Variants in RBFOX1 observed in about 807,000 individuals in gnomAD.
RBFOX1 encodes the protein RNA binding protein fox-1 homolog 1.
RBFOX1 carries 8 observed loss-of-function variants against 57.7 expected under a neutral mutation model. The observed-to-expected ratio is 0.14, with a 90% CI of 0.08 to 0.25. RBFOX1 has a LOEUF of 0.25. Ranked by LOEUF, RBFOX1 falls within the 10% of genes least tolerant of loss-of-function variation. RBFOX1 has a pLI of 1.00. For missense variants in RBFOX1, 611 were observed against 548.5 expected (o/e 1.11, Z -1.14); for synonymous variants, 326 against 222.4 (o/e 1.47, Z -4.15).
intron 1 of RBFOX1, among the ~76,000 whole-genome samples, chr16:5,244,705 T>C (rs2062252026): frequency 6.6e-6 from 1 of 152,232 alleles, no homozygotes; most frequent in South Asian, 2.1e-4. Flanking sequence ...TCCTGAGGAA[T>C]GCAGTGCGTA....
chr16:5,872,462 G>A (rs191240687), intron 4 of RBFOX1, among the ~76,000 whole-genome samples: 6 of 152,352 alleles, frequency 3.9e-5, no homozygotes, highest in African/African-American at 1.4e-4. Context: ...TGGGCATGGT[G>A]GCTCACACCT....
intron 4 of RBFOX1, among the ~76,000 whole-genome samples, chr16:5,935,902 A>G (rs1349177054): frequency 6.6e-6 from 1 of 152,092 alleles, no homozygotes; most frequent in African/African-American, 2.4e-5. Context: ...TATAATGGCT[A>G]CAGAAGTACA....
intron 1 of RBFOX1, among the ~76,000 whole-genome samples, chr16:5,386,065 A>G (rs1474813022): frequency 2.0e-5 from 3 of 151,844 alleles, no homozygotes; most frequent in African/African-American, 7.3e-5. Context: ...GCCAAGATGG[A>G]ATAATTTATA....
At position 7,507,818 on chromosome 16, in the gene RBFOX1, C is replaced by T. The variant is rs558987785; in HGVS notation, c.28-10329C>T. On this transcript the variant is annotated intron_variant, in intron 4 of 15. Transcript: ENST00000550418. ...GACGTCGTGATCCGCCCGCCTCGGT[C>T]TTCCAAAGTGCTGGGATTACAGGCA... Among the ~76,000 whole-genome samples the T allele has an allele frequency of 4.6e-5, 7 of 152,224 alleles. No individual in the cohort carries two copies. The East Asian group carries it at 1.4e-3, about 30-fold the overall frequency.
Position 6,992,085 on chromosome 16 carries a change from C to T in RBFOX1, c.-15-59972C>T, listed in dbSNP as rs527800936. On this transcript the variant is annotated intron_variant, in intron 3 of 15. Coordinates refer to ENST00000550418, the MANE Select transcript of RBFOX1 (RefSeq NM_018723.4). ...TGGCCTGTCTTTGCCAGAGTTTCAC[C>T]CATTCCTTAGGGAGAACGGGTGTAG... is the stretch of plus-strand genomic sequence containing the variant. Among the ~76,000 whole-genome samples the T allele has an allele frequency of 1.3e-4, 20 of 152,260 alleles. No homozygotes were observed. The South Asian group carries it at 2.9e-3, about 22-fold the overall frequency.
At chr16:6,430,929 G>A (rs190129506) in intron 2 of RBFOX1, among the ~76,000 whole-genome samples, 79 of 146,058 alleles carry the variant, frequency 5.4e-4, no homozygotes, top group East Asian at 5.0e-3. Context: ...CCAGGAGTTC[G>A]AGACCGGCAT....
intron 4 of RBFOX1, among the ~76,000 whole-genome samples, chr16:7,393,768 C>G (rs1308897900): frequency 6.6e-6 from 1 of 152,196 alleles, no homozygotes; most frequent in African/African-American, 2.4e-5. Flanking sequence ...TGGTAGCCGC[C>G]TTACCCCTTA....
At chr16:6,861,481 A>ACCCCCCCCC (rs1412844949) in intron 3 of RBFOX1, among the ~76,000 whole-genome samples, 1 of 108,670 alleles carries the variant, frequency 9.2e-6, no homozygotes, top group Non-Finnish European at 2.1e-5. Flanking sequence ...TCCCCTCCCA[A>ACCCCCCCCC]CCCCCTCCCC....
intron 3 of RBFOX1, chr16:6,774,051 T>A (rs938762883): frequency 4.4e-5 from 42 of 951,204 alleles, no homozygotes; most frequent in Non-Finnish European, 1.1e-5. Context: ...TAAATGCTCA[T>A]TGGCTTTCTG....
intron 3 of RBFOX1, among the ~76,000 whole-genome samples, chr16:6,724,534 G>C (rs1220734252): frequency 6.6e-6 from 1 of 151,972 alleles, no homozygotes; most frequent in African/African-American, 2.4e-5. Context: ...GAGGAAGCAG[G>C]CCCTCACCAG....
At chr16:7,320,171 C>T (rs765952647) in intron 4 of RBFOX1, among the ~76,000 whole-genome samples, 1 of 152,042 alleles carries the variant, frequency 6.6e-6, no homozygotes, top group Non-Finnish European at 1.5e-5. Flanking sequence ...ACCCATCAAC[C>T]CATCAGCTAG....
chr16:6,519,064 G>T (rs2054374187), intron 2 of RBFOX1, among the ~76,000 whole-genome samples: 1 of 151,892 alleles, frequency 6.6e-6, no homozygotes, highest in Non-Finnish European at 1.5e-5. Flanking sequence ...TCCCTTCTCG[G>T]TGAGAAGCTG....
chr16:7,130,135 C>T (rs985606498), intron 4 of RBFOX1, among the ~76,000 whole-genome samples: 11 of 151,326 alleles, frequency 7.3e-5, no homozygotes, highest in Non-Finnish European at 1.3e-4. Context: ...TGGGTTCAAG[C>T]AATTCTCCTG....
At chr16:6,495,282 C>A (rs2095738881) in intron 2 of RBFOX1, among the ~76,000 whole-genome samples, 1 of 152,108 alleles carries the variant, frequency 6.6e-6, no homozygotes, top group South Asian at 2.1e-4. Context: ...CCATGCCTGG[C>A]TAATTTTTGT....
intron 2 of RBFOX1, among the ~76,000 whole-genome samples, chr16:6,447,716 G>A (rs762615636): frequency 9.2e-5 from 14 of 152,250 alleles, no homozygotes; most frequent in South Asian, 2.1e-4. Flanking sequence ...TTTGAAAGCC[G>A]CCTGTATGCC....
In RBFOX1 at chr16:7,694,100, T is replaced by A. The variant is rs1598283881; in HGVS notation, c.996-14956T>A. Among the ~76,000 whole-genome samples the A allele has an allele frequency of 2.0e-5, 3 of 152,168 alleles. No homozygotes were observed. The South Asian group carries it at 6.2e-4, about 32-fold the overall frequency. Reference sequence around the variant, plus strand: ...GGAGTTAATTAAATGCCAAGATAGGTGAATGCCTTAACACTAGATTTCCTT... The same window carrying A: ...GGAGTTAATTAAATGCCAAGATAGGAGAATGCCTTAACACTAGATTTCCTT... On this transcript the variant is annotated intron_variant, in intron 14 of 15. Coordinates refer to ENST00000550418, the MANE Select transcript of RBFOX1 (RefSeq NM_018723.4).
chr16:6,236,800 G>C (rs1057299685), intron 1 of RBFOX1, among the ~76,000 whole-genome samples: 1 of 151,968 alleles, frequency 6.6e-6, no homozygotes, highest in African/African-American at 2.4e-5. Context: ...ATGTCCACAC[G>C]TTTTAAAAAT....
chr16:7,005,181 A>G (rs144976843), intron 3 of RBFOX1, among the ~76,000 whole-genome samples: 5 of 148,560 alleles, frequency 3.4e-5, no homozygotes, highest in Non-Finnish European at 1.5e-5. Context: ...AAACTAAACA[A>G]AATAAACACA....
rs371002694 is a variant in RBFOX1 at position 6,969,197 on chromosome 16, A to G, written c.-15-82860A>G. Among the ~76,000 whole-genome samples, 3 of 152,210 alleles carry G rather than the reference A, an allele frequency of 2.0e-5. No homozygotes were observed. In the East Asian group the frequency reaches 5.8e-4, roughly 29 times the overall value. On this transcript the variant is annotated intron_variant, in intron 3 of 15. Transcript: ENST00000550418. Reference sequence around the variant, plus strand: ...TTAACTTCTCTTAACTCCTCACTACATTCCCAGTCCTTCACCTGTTATGTG... The same window carrying G: ...TTAACTTCTCTTAACTCCTCACTACGTTCCCAGTCCTTCACCTGTTATGTG...
Sources: allele counts gnomAD v4.1 joint callset (sites outside exome capture counted in the v4.1 genomes callset), GRCh38; gene constraint gnomAD v4.1.1; transcripts MANE v1.5; gene names NCBI Gene and HGNC (gene_info 2026-07-23, HGNC 2026-07-21).